The following CREB5 variants were observed in gnomAD, a reference collection of about 807,000 sequenced individuals.
CREB5 encodes the protein cyclic AMP-responsive element-binding protein 5.
CREB5 carries 19 observed loss-of-function variants against 57.1 expected under a neutral mutation model. The ratio of observed to expected loss-of-function variants is 0.33; its 90% CI spans 0.23 to 0.49. The LOEUF (loss-of-function observed/expected upper bound fraction) is 0.49, where lower values mean the gene tolerates loss of function less well. CREB5 is among the 20% of genes least tolerant of loss of function. CREB5 has a pLI of 0.99. For missense variants in CREB5, 579 were observed against 671.6 expected (o/e 0.86, Z 1.52); for synonymous variants, 238 against 238.3 (o/e 1.00, Z 0.01).
intron 1 of CREB5, among the ~76,000 whole-genome samples, chr7:28,369,114 C>T (rs753173743): frequency 7.2e-5 from 11 of 152,180 alleles, no homozygotes; most frequent in Non-Finnish European, 1.3e-4. Flanking sequence ...ATGTAAACTG[C>T]ACAAAAGCAG....
At chr7:28,580,429 C>CACACA (rs561890036) in intron 5 of CREB5, among the ~76,000 whole-genome samples, 5 of 130,878 alleles carry the variant, frequency 3.8e-5, no homozygotes, top group Admixed American at 7.5e-5. Flanking sequence ...TCCCCCCCCA[C>CACACA]CACACACACA....
intron 9 of CREB5, among the ~76,000 whole-genome samples, chr7:28,817,664 G>T (rs991692451): frequency 6.6e-6 from 1 of 152,088 alleles, no homozygotes; most frequent in Non-Finnish European, 1.5e-5. Context: ...ATCTATTACT[G>T]TATTTAATCC....
chr7:28,314,648 G>T (rs1785341018), intron 1 of CREB5, among the ~76,000 whole-genome samples: 1 of 152,144 alleles, frequency 6.6e-6, no homozygotes, highest in Non-Finnish European at 1.5e-5. Context: ...ATATACTTTG[G>T]GGTAAGGCTT....
intron 5 of CREB5, among the ~76,000 whole-genome samples, chr7:28,582,057 G>A (rs1796142447): frequency 6.6e-6 from 1 of 152,332 alleles, no homozygotes; most frequent in South Asian, 2.1e-4. Flanking sequence ...GATTTCCGGG[G>A]ATTTGTGGTC....
At chr7:28,560,931 T>TGCGTGC (rs1467935536) in intron 4 of CREB5, among the ~76,000 whole-genome samples, 2 of 48,532 alleles carry the variant, frequency 4.1e-5, no homozygotes, top group East Asian at 5.5e-4. Flanking sequence ...TGCGCGTGCG[T>TGCGTGC]GTGTGCGTGC....
chr7:28,552,483 CTG>C (rs1440720503), intron 4 of CREB5, among the ~76,000 whole-genome samples: 1 of 152,180 alleles, frequency 6.6e-6, no homozygotes, highest in Non-Finnish European at 1.5e-5. Context: ...GGGACAGTAA[CTG>C]TGAGAGAAGG....
At chr7:28,736,176 TG>T (rs1332823397) in intron 7 of CREB5, among the ~76,000 whole-genome samples, 1 of 152,054 alleles carries the variant, frequency 6.6e-6, no homozygotes, top group Admixed American at 6.6e-5. Context: ...TTGTTTGTTT[TG>T]TTTTGTTTTG....
In CREB5 at chr7:28,375,731, T is replaced by C. The variant is rs529137815; in HGVS notation, c.-25+76290T>C. ...GTGAGTACTGTTCAAAATGGACCAC[T>C]TCTGTTATTGAAAAAAAAAAAAAAG... On this transcript the variant is annotated intron_variant, in intron 1 of 9. Coordinates refer to the CREB5 transcript ENST00000396299. Among the ~76,000 whole-genome samples, 8 of 151,380 alleles carry C rather than the reference T, an allele frequency of 5.3e-5. No homozygotes were observed. The South Asian group carries it at 1.7e-3, about 32-fold the overall frequency.
chr7:28,648,248 C>G (rs1305082844), intron 5 of CREB5, among the ~76,000 whole-genome samples: 1 of 151,872 alleles, frequency 6.6e-6, no homozygotes, highest in East Asian at 1.9e-4. Context: ...GAAAAAGGAC[C>G]ACTGATTAGC....
In CREB5 at chr7:28,701,956, AGTTTGCT is replaced by A. The variant is rs560552961; in HGVS notation, c.465-16794_465-16788del. ...CCAATAGGCCAAAGAGTCTGCCAGA[AGTTTGCT>A]GTAGACAGTCATTCTTGTATGTCCA... On this transcript the variant is annotated intron_variant, in intron 5 of 10. Transcript: ENST00000357727. 6.6e-5 allele frequency among the ~76,000 whole-genome samples: 10 copies of A among 152,366 alleles called. 1 individual carries two copies. The South Asian group carries it at 1.9e-3, about 28-fold the overall frequency.
Position 28,495,050 on chromosome 7 carries a change from C to T in CREB5, c.169+51C>T, listed in dbSNP as rs751386174. The T allele has an allele frequency of 5.6e-5, 72 of 1,283,200 alleles. No homozygotes were observed. In the Middle Eastern group the frequency reaches 5.8e-4, roughly 10 times the overall value. The allele number at this position is 1,283,200 out of a possible 1,614,324, so 79.5% of individuals were successfully genotyped here. A position where few individuals can be genotyped will look rare whatever the true frequency, so the allele number is the denominator to read the frequency against. ...TTTGGGTGATCAGATCTGTTCCATG[C>T]GAGATACTTGTTCTTCTTTTGGTAG... On this transcript the variant is annotated intron_variant, in intron 3 of 10. Transcript: ENST00000357727.
At chr7:28,381,273 G>T (rs1315713376) in intron 1 of CREB5, among the ~76,000 whole-genome samples, 1 of 152,180 alleles carries the variant, frequency 6.6e-6, no homozygotes, top group Non-Finnish European at 1.5e-5. Flanking sequence ...CCCAAGGAGG[G>T]AAGGGAGCCC....
chr7:28,312,442 GA>G (rs1328329695), intron 1 of CREB5, among the ~76,000 whole-genome samples: 5 of 152,210 alleles, frequency 3.3e-5, no homozygotes, highest in African/African-American at 1.2e-4. Context: ...GGGGCTCAGT[GA>G]CAAGACCGGT....
At chr7:28,306,654 G>A (rs912032640) in intron 1 of CREB5, among the ~76,000 whole-genome samples, 3 of 136,884 alleles carry the variant, frequency 2.2e-5, no homozygotes, top group East Asian at 2.4e-4. Context: ...TCCGCCTCCC[G>A]GGTTCACGCC....
intron 7 of CREB5, among the ~76,000 whole-genome samples, chr7:28,729,281 C>T (rs1366300358): frequency 1.3e-5 from 2 of 152,150 alleles, no homozygotes; most frequent in Non-Finnish European, 2.9e-5. Context: ...CAAAACTGGA[C>T]CCTGAGCTTG....
At chr7:28,467,020 G>T (rs920333431) in intron 1 of CREB5, among the ~76,000 whole-genome samples, 2 of 152,230 alleles carry the variant, frequency 1.3e-5, no homozygotes, top group African/African-American at 4.8e-5. Flanking sequence ...GGGACAGGGG[G>T]CCAAGGGAAG....
chr7:28,691,232 C>G (rs1801238552), intron 5 of CREB5, among the ~76,000 whole-genome samples: 1 of 151,962 alleles, frequency 6.6e-6, no homozygotes, highest in South Asian at 2.1e-4. Context: ...GCAGCCTGGC[C>G]AACATGGTGA....
chr7:28,564,954 G>A (rs1795421942), intron 4 of CREB5, among the ~76,000 whole-genome samples: 1 of 152,136 alleles, frequency 6.6e-6, no homozygotes, highest in South Asian at 2.1e-4. Flanking sequence ...TGTCACAGCT[G>A]GAAAAGATCA....
intron 1 of CREB5, among the ~76,000 whole-genome samples, chr7:28,481,414 T>C (rs55676152): frequency 0.23 from 34,498 of 152,072 alleles, 4,740 homozygotes; most frequent in African/African-American, 0.39. Context: ...TCAGGCCTTC[T>C]GGGGGAGACT....
Sources: gnomAD v4.1 joint callset for allele counts (sites outside exome capture counted in the v4.1 genomes callset) on GRCh38, gnomAD v4.1.1 for gene constraint, MANE v1.5 for transcripts, NCBI Gene and HGNC (gene_info 2026-07-23, HGNC 2026-07-21) for gene names.